The following TLK2 variants were observed in gnomAD, a reference collection of about 807,000 sequenced individuals.
The protein encoded by TLK2 is serine/threonine-protein kinase tousled-like 2.
Under a neutral mutation model 117.3 loss-of-function variants are expected in TLK2, and 6 were observed. The ratio of observed to expected loss-of-function variants is 0.05; its 90% CI spans 0.03 to 0.10. The LOEUF is 0.10. Ranked by LOEUF, TLK2 falls within the 10% of genes least tolerant of loss-of-function variation. TLK2 has a pLI of 1.00. For synonymous variants in TLK2, 257 were observed against 316.7 expected (o/e 0.81, Z 2.00); for missense variants, 299 against 901.2 (o/e 0.33, Z 8.56).
At chr17:62,496,179 A>G (rs2073664011) in intron 2 of TLK2, among the ~76,000 whole-genome samples, 1 of 152,168 alleles carries the variant, frequency 6.6e-6, no homozygotes, top group Non-Finnish European at 1.5e-5. Flanking sequence ...AGTATATTAT[A>G]TAAACTATTG....
chr17:62,594,719 G>A (rs1315819992), intron 16 of TLK2, among the ~76,000 whole-genome samples: 1 of 152,110 alleles, frequency 6.6e-6, no homozygotes, highest in Non-Finnish European at 1.5e-5. Flanking sequence ...GGTGGCCAGA[G>A]CCTATATCAG....
chr17:62,535,355 A>G (rs1470970209), intron 6 of TLK2, among the ~76,000 whole-genome samples: 1 of 152,176 alleles, frequency 6.6e-6, no homozygotes, highest in Admixed American at 6.5e-5. Flanking sequence ...CGTAATTGTG[A>G]TGTATTATCC....
intron 16 of TLK2, among the ~76,000 whole-genome samples, chr17:62,587,193 A>C (rs928520320): frequency 1.3e-5 from 2 of 152,254 alleles, no homozygotes; most frequent in East Asian, 3.9e-4. Flanking sequence ...GGTTTTGCCT[A>C]TATCTCCCCA....
intron 9 of TLK2, 64 bp downstream of exon 9, chr17:62,553,819 T>C: frequency 9.6e-7 from 1 of 1,044,396 alleles, no homozygotes; most frequent in Non-Finnish European, 1.5e-6. Flanking sequence ...TTGGATTATG[T>C]ACATATCATA....
intron 2 of TLK2, among the ~76,000 whole-genome samples, chr17:62,514,753 A>G (rs2075433703): frequency 6.6e-6 from 1 of 151,550 alleles, no homozygotes. Flanking sequence ...TAATTTTTGT[A>G]TTTTTAGTAG....
rs2077807429 is a variant in TLK2 at position 62,545,137 on chromosome 17, C to T, written c.532-7165C>T. Among the ~76,000 whole-genome samples the T allele has an allele frequency of 2.6e-5, 4 of 152,076 alleles. No individual in the cohort carries two copies. The South Asian group carries it at 8.3e-4, about 32-fold the overall frequency. ...CGCCTCCCGGGTTCAAGCGATTCTC[C>T]TGCCTCAGCCTCCCGAGTAGCTGGG... On this transcript the variant is annotated intron_variant, in intron 7 of 21. Transcript: ENST00000346027.
intron 2 of TLK2, chr17:62,516,208 A>C (rs2075570118): frequency 1.5e-6 from 1 of 649,880 alleles, no homozygotes; most frequent in Non-Finnish European, 2.7e-6. Context: ...TACAGGCATG[A>C]GTCACCGCGC....
At chr17:62,600,502 A>G in intron 17 of TLK2, 149 bp from the exon 18 acceptor site, 1 of 663,710 alleles carries the variant, frequency 1.5e-6, no homozygotes, top group Non-Finnish European at 2.5e-6. Context: ...CTCAGCTAAT[A>G]CTGAATAAAC....
At position 62,528,395 on chromosome 17, in the gene TLK2, T is replaced by C. The variant is rs546814394; in HGVS notation, c.363+4064T>C. ...GCTGGCAAGCTAGGAATGATTTTTATTTTTTTAAATTTATTTCATTTTAAT... is the reference window on the plus strand; with the variant it reads ...GCTGGCAAGCTAGGAATGATTTTTACTTTTTTAAATTTATTTCATTTTAAT... On this transcript the variant is annotated intron_variant, in intron 6 of 21. Coordinates refer to ENST00000346027, the MANE Select transcript of TLK2 (RefSeq NM_006852.6). 4.0e-4 allele frequency among the ~76,000 whole-genome samples: 61 copies of C among 152,264 alleles called. 1 individual carries two copies. Among genetic ancestry groups the C allele is most frequent in the Non-Finnish European group, 6.8e-4 (46 of 68,012 alleles).
intron 16 of TLK2, among the ~76,000 whole-genome samples, chr17:62,593,017 A>G (rs139489922): frequency 1.2e-3 from 186 of 152,282 alleles, no homozygotes; most frequent in African/African-American, 4.3e-3. Flanking sequence ...CATGCGAGCT[A>G]TGGGGAGCAG....
At chr17:62,600,187 C>T (rs2082771940) in intron 17 of TLK2, 1 of 152,694 alleles carries the variant, frequency 6.5e-6, no homozygotes, top group Non-Finnish European at 1.5e-5. Context: ...AATTGTGTAC[C>T]TAGCCAAAAT....
chr17:62,534,990 G>T (rs2077015099), intron 6 of TLK2, among the ~76,000 whole-genome samples: 2 of 142,220 alleles, frequency 1.4e-5, no homozygotes, highest in Non-Finnish European at 3.0e-5. Flanking sequence ...CTGGGTTTAA[G>T]CAATTCTTCT....
At chr17:62,581,111 C>A (rs1037015576) in intron 15 of TLK2, among the ~76,000 whole-genome samples, 1 of 151,998 alleles carries the variant, frequency 6.6e-6, no homozygotes, top group African/African-American at 2.4e-5. Context: ...CTGCTGGGCA[C>A]AAGCAAGCCT....
intron 11 of TLK2, among the ~76,000 whole-genome samples, chr17:62,571,114 T>C (rs974932399): frequency 1.3e-5 from 2 of 152,234 alleles, no homozygotes; most frequent in Non-Finnish European, 2.9e-5. Flanking sequence ...TTGTGATTTT[T>C]TACTTAAGGA....
chr17:62,572,981 G>T, intron 11 of TLK2: 1 of 438,530 alleles, frequency 2.3e-6, no homozygotes. Flanking sequence ...GTTCCTTCCT[G>T]TCCACTCTGA....
At chr17:62,529,700 A>G (rs1348708430) in intron 6 of TLK2, among the ~76,000 whole-genome samples, 4 of 152,146 alleles carry the variant, frequency 2.6e-5, no homozygotes, top group Non-Finnish European at 4.4e-5. Flanking sequence ...ATTTTTTATT[A>G]TCCTATTTAC....
chr17:62,481,499 C>T (rs1363968005), intron 2 of TLK2, among the ~76,000 whole-genome samples: 1 of 152,126 alleles, frequency 6.6e-6, no homozygotes, highest in African/African-American at 2.4e-5. Flanking sequence ...GATTCTATGC[C>T]ATATTTTGTT....
At chr17:62,479,492 G>A (rs958748995) in intron 1 of TLK2, among the ~76,000 whole-genome samples, 17 of 152,114 alleles carry the variant, frequency 1.1e-4, no homozygotes, top group African/African-American at 3.6e-4. Flanking sequence ...GGGAGGCCCA[G>A]GCGGCCCCGG....
Position 62,537,549 on chromosome 17 carries a change from C to T in TLK2, c.531+1212C>T, listed in dbSNP as rs755613372. Among the ~76,000 whole-genome samples the T allele has an allele frequency of 7.9e-5, 12 of 152,100 alleles. 1 individual carries two copies. Among genetic ancestry groups the T allele is most frequent in the South Asian group, 4.1e-4 (2 of 4,830 alleles). ...TGCATTAGGTTCACTGGTGTGTCTA[C>T]GGAGTCCCAGTCTGAGTGAGTGTAG... On this transcript the variant is annotated intron_variant, in intron 7 of 21. Coordinates refer to ENST00000346027, the MANE Select transcript of TLK2 (RefSeq NM_006852.6).
Sources: gnomAD v4.1 joint callset for allele counts (sites outside exome capture counted in the v4.1 genomes callset) on GRCh38, gnomAD v4.1.1 for gene constraint, MANE v1.5 for transcripts, NCBI Gene and HGNC (gene_info 2026-07-23, HGNC 2026-07-21) for gene names.